DLGAP3: variants seen among roughly 807,000 people sequenced by gnomAD.
DLGAP3 encodes DLG associated protein 3, also known as disks large-associated protein 3.
Under a neutral mutation model 81.2 loss-of-function variants are expected in DLGAP3, and 17 were observed. That is an observed-to-expected ratio of 0.21 (90% CI 0.14 to 0.31). The LOEUF (loss-of-function observed/expected upper bound fraction) is 0.31. DLGAP3 is among the 10% of genes least tolerant of loss of function. The pLI is 1.00. For missense variants in DLGAP3, 1,124 were observed against 1,388.0 expected, an observed-to-expected ratio of 0.81 and a Z score of 3.02; for synonymous variants, 577 against 587.4, an observed-to-expected ratio of 0.98 and a Z score of 0.26.
At chr1:34,880,686 C>CAA (rs567644830) in intron 8 of DLGAP3, among the ~76,000 whole-genome samples, 2 of 128,546 alleles carry the variant, frequency 1.6e-5, no homozygotes, top group Non-Finnish European at 3.3e-5. Context: ...GACTCTGTCT[C>CAA]AAAAAAAAAA....
At chr1:34,892,618 A>G (rs554966142) in intron 5 of DLGAP3, among the ~76,000 whole-genome samples, 11 of 152,186 alleles carry the variant, frequency 7.2e-5, no homozygotes, top group Non-Finnish European at 8.8e-5. Context: ...CTTGGGCTAA[A>G]GCAATCCTAC....
At chr1:34,877,223 G>GA (rs1334187780) in intron 8 of DLGAP3, among the ~76,000 whole-genome samples, 3 of 152,200 alleles carry the variant, frequency 2.0e-5, no homozygotes, top group Non-Finnish European at 4.4e-5. Flanking sequence ...AGGGGAGCTG[G>GA]AAAGAGACCC....
chr1:34,885,068 T>C lies in DLGAP3; in HGVS notation c.1915-5A>G, dbSNP rs1455215372. The C allele has an allele frequency of 2.5e-6, 4 of 1,611,104 alleles. No homozygotes were observed. The Admixed American group carries it at 5.0e-5, about 20-fold the overall frequency. ...CGAATCTGAGATCGTCTCCACCTGG[T>C]GGCAGGGTGGAGGAGTCAGTGGCTG... On this transcript the variant is annotated splice_polypyrimidine_tract_variant and splice_region_variant and intron_variant, in intron 7 of 11. Coordinates refer to ENST00000373347, the MANE Select transcript of DLGAP3 (RefSeq NM_001080418.3).
At chr1:34,911,505 G>A (rs1569656017) in intron 1 of DLGAP3, among the ~76,000 whole-genome samples, 2 of 152,172 alleles carry the variant, frequency 1.3e-5, no homozygotes, top group African/African-American at 4.8e-5. Flanking sequence ...GAATGGTGAA[G>A]CTGGGGGCCG....
chr1:34,868,700 C>A lies in DLGAP3; in HGVS notation c.2390G>T (p.Trp797Leu). The part of the protein sequence containing the change: ...RASPCPRDGE[W>L]FIKMLRAEVE... Reference sequence around the variant, plus strand: ...CTCTGCCCGCAGCATCTTGATGAACCACTCGCCGTCGCGTGGGCAGGGGGA... The same window carrying A: ...CTCTGCCCGCAGCATCTTGATGAACAACTCGCCGTCGCGTGGGCAGGGGGA... The change falls in exon 9 of 12, where the codon TGG becomes TTG. Residue 797 changes from tryptophan to leucine, a missense_variant. Trp to Leu is a moderately conservative substitution (Grantham distance 61). Coordinates refer to ENST00000373347, the MANE Select transcript of DLGAP3 (RefSeq NM_001080418.3). This position sits in a 1 kb window ranked among gnomAD's most constrained non-coding sequence, Gnocchi z 7.5. The A allele has an allele frequency of 6.2e-7, 1 of 1,611,656 alleles. No homozygotes were observed. The highest frequency in any genetic ancestry group is 8.5e-7 in the Non-Finnish European group (1 of 1,179,992).
In DLGAP3 at chr1:34,865,739, G is replaced by C. The variant is rs1569584314; in HGVS notation, c.*344C>G. On this transcript the variant is annotated 3_prime_UTR_variant, in exon 12 of 12. Coordinates refer to ENST00000373347, the MANE Select transcript of DLGAP3 (RefSeq NM_001080418.3). Reference sequence around the variant, plus strand: ...GCGGGGTGGGGGAGGGGGGGACGCAGAGCCCAGATGAGGGACCCGGCCCGG... The same window carrying C: ...GCGGGGTGGGGGAGGGGGGGACGCACAGCCCAGATGAGGGACCCGGCCCGG... 1 of 356,876 alleles carries C rather than the reference G, an allele frequency of 2.8e-6. No individual in the cohort carries two copies. Among genetic ancestry groups the C allele is most frequent in the Middle Eastern group, 8.9e-4 (1 of 1,128 alleles). 22.1% of individuals were successfully genotyped at this position (356,876 alleles called of 1,614,324 possible). A position where few individuals can be genotyped will look rare whatever the true frequency, so the allele number is the denominator to read the frequency against.
At chr1:34,880,344 TCTAGC>T (rs1639126604) in intron 8 of DLGAP3, among the ~76,000 whole-genome samples, 1 of 152,086 alleles carries the variant, frequency 6.6e-6, no homozygotes, top group African/African-American at 2.4e-5. Flanking sequence ...AGTTACTAGG[TCTAGC>T]CTAAAAATAT....
rs78889106 is a variant in DLGAP3 at position 34,926,791 on chromosome 1, T to G, written c.-135+2660A>C. 4.6e-3 allele frequency among the ~76,000 whole-genome samples: 703 copies of G among 152,306 alleles called. 8 individuals carry two copies. Among genetic ancestry groups the G allele is most frequent in the African/African-American group, 0.016 (663 of 41,558 alleles). ...ATTTGTCCTAGACTCCTGGAAGATT[T>G]CATTAGAAAGGGTTTGGGGGTAACT... On this transcript the variant is annotated intron_variant, in intron 1 of 11. Coordinates refer to ENST00000373347, the MANE Select transcript of DLGAP3 (RefSeq NM_001080418.3).
intron 1 of DLGAP3, among the ~76,000 whole-genome samples, chr1:34,914,163 T>G (rs1215237543): frequency 6.6e-6 from 1 of 152,178 alleles, no homozygotes; most frequent in African/African-American, 2.4e-5. Flanking sequence ...TAGGGCCATG[T>G]ACCCAACAGG....
At chr1:34,925,599 C>T (rs1639861521) in intron 1 of DLGAP3, 1 of 152,320 alleles carries the variant, frequency 6.6e-6, no homozygotes, top group South Asian at 2.1e-4. Flanking sequence ...CGAGGGAATC[C>T]TTTTTAATTT....
Position 34,900,407 on chromosome 1 carries a change from A to T in DLGAP3, c.1108-134T>A. On this transcript the variant is annotated intron_variant, in intron 3 of 11. Transcript: ENST00000373347. This position sits in a 1 kb window ranked among gnomAD's most constrained non-coding sequence, Gnocchi z 5.6. The stretch of plus-strand genomic sequence containing the variant: ...ACACTCAGGTACATGCAGAGGCAGA[A>T]GGGGAGGTAGGGTCTCAGGCTGTCC... The T allele has an allele frequency of 1.1e-6, 1 of 875,894 alleles. No homozygotes were observed. The highest frequency in any genetic ancestry group is 1.9e-5 in the Admixed American group (1 of 52,666). The allele number at this position is 875,894 out of a possible 1,614,324, so 54.3% of individuals were successfully genotyped here. A position where few individuals can be genotyped will look rare whatever the true frequency, so the allele number is the denominator to read the frequency against.
At position 34,905,384 on chromosome 1, in the gene DLGAP3, G is replaced by A. The variant is rs1257702007; in HGVS notation, c.-1C>T. The A allele has an allele frequency of 6.4e-7, 1 of 1,552,014 alleles. No homozygotes were observed. The highest frequency in any genetic ancestry group is 1.2e-5 in the South Asian group (1 of 84,162). ...CTCGGTCGCCATGGTAACCCCTCAT[G>A]GCCTCAGCAAAGGCTCTTCATAGTC... On this transcript the variant is annotated 5_prime_UTR_variant, in exon 3 of 12. Coordinates refer to ENST00000373347, the MANE Select transcript of DLGAP3 (RefSeq NM_001080418.3).
chr1:34,905,561 C>T (rs1639537861), intron 2 of DLGAP3, 127 bp from the exon 3 acceptor site: 1 of 700,716 alleles, frequency 1.4e-6, no homozygotes, highest in Non-Finnish European at 2.2e-6. Context: ...TCACACTACC[C>T]TCCCACAAAT....
rs967534627 is a variant in DLGAP3 at position 34,929,331 on chromosome 1, G to C, written c.-135+120C>G. 5.4e-5 allele frequency: 8 copies of C among 149,426 alleles called. No homozygotes were observed. The highest frequency in any genetic ancestry group is 1.0e-4 in the Non-Finnish European group (7 of 67,046). 9.3% of individuals were successfully genotyped at this position (149,426 alleles called of 1,614,324 possible). ...AGCCCCTCCCCCCTCCCGGGGCCGG[G>C]AGCCGAGCGCCGGAGCCCGGGGCGT... On this transcript the variant is annotated intron_variant, in intron 1 of 11. Coordinates refer to ENST00000373347, the MANE Select transcript of DLGAP3 (RefSeq NM_001080418.3). This position sits in a 1 kb window ranked among gnomAD's most constrained non-coding sequence, Gnocchi z 6.5.
chr1:34,913,262 C>G (rs1356468049), intron 1 of DLGAP3, among the ~76,000 whole-genome samples: 1 of 152,164 alleles, frequency 6.6e-6, no homozygotes, highest in Admixed American at 6.5e-5. Flanking sequence ...TTTACAGCTC[C>G]AAAACACTCG....
chr1:34,883,490 C>T (rs913781793), intron 8 of DLGAP3, among the ~76,000 whole-genome samples: 2 of 152,206 alleles, frequency 1.3e-5, no homozygotes, highest in Admixed American at 6.5e-5. Flanking sequence ...CATGGGATAG[C>T]ACTAGAATTG....
intron 5 of DLGAP3, among the ~76,000 whole-genome samples, chr1:34,888,008 G>A (rs1220137268): frequency 6.6e-6 from 1 of 152,192 alleles, no homozygotes; most frequent in African/African-American, 2.4e-5. Context: ...GAGACTAAGA[G>A]ACAATCATCC....
intron 8 of DLGAP3, among the ~76,000 whole-genome samples, chr1:34,869,924 G>A (rs1168597358): frequency 6.6e-6 from 1 of 152,186 alleles, no homozygotes; most frequent in Non-Finnish European, 1.5e-5. Context: ...GCGCTGCTGG[G>A]CTCCACAGTC....
chr1:34,886,427 C>CT (rs761255981), intron 5 of DLGAP3, 142 bp from the exon 6 acceptor site: 4 of 843,554 alleles, frequency 4.7e-6, no homozygotes, highest in South Asian at 2.0e-5. Flanking sequence ...AAAAGAAACT[C>CT]TAACTCTTTG....
Sources: gnomAD v4.1 joint callset for allele counts (sites outside exome capture counted in the v4.1 genomes callset) on GRCh38, gnomAD v4.1.1 for gene constraint, Gnocchi (gnomAD v3.1) non-coding constraint, MANE v1.5 for transcripts, NCBI Gene and HGNC (gene_info 2026-07-23, HGNC 2026-07-21) for gene names.